Variants in MAGEC1 observed in about 807,000 individuals in gnomAD.
MAGEC1 encodes melanoma-associated antigen C1.
MAGEC1 carries 3 observed loss-of-function variants against 1.5 expected under a neutral mutation model. The observed-to-expected ratio is 1.97, with a 90% confidence interval of 0.90 to 5.10. MAGEC1 has a LOEUF of 5.10. MAGEC1 is among the 30% of genes most tolerant of loss of function. The pLI is 0.02. For missense variants in MAGEC1, 985 were observed against 803.1 expected, an observed-to-expected ratio of 1.23 and a Z score of -2.74; for synonymous variants, 357 against 310.4, an observed-to-expected ratio of 1.15 and a Z score of -1.58.
chrX:141,907,132 T>C lies in MAGEC1; in HGVS notation c.1728T>C (p.Ser576=). 1 of 1,204,485 alleles carries C rather than the reference T, an allele frequency of 8.3e-7. No individual in the cohort carries two copies. The highest frequency in any genetic ancestry group is 1.1e-6 in the Non-Finnish European group (1 of 892,158). Residue 576 remains serine (S), a synonymous_variant, in exon 4 of 4, where the codon TCT becomes TCC. Transcript: ENST00000285879. ...QSPPQGEDSL[S]PHYFPQSPQG... ...CTCCTCAGGGGGAGGACTCCCTGTC[T>C]CCTCACTACTTTCCTCAGAGCCCTC...
In MAGEC1 at chrX:141,905,890, T is replaced by A. The variant is rs200675585; in HGVS notation, c.486T>A (p.Val162=). ...CTTTTGAGGGTTTTCCCCAGTCTGTTCTCCAGATTCCTGTGAGCGCCGCCT... is the reference window on the plus strand; with the variant it reads ...CTTTTGAGGGTTTTCCCCAGTCTGTACTCCAGATTCCTGTGAGCGCCGCCT... ...QSPFEGFPQS[V]LQIPVSAASS... Residue 162 remains valine (V), a synonymous_variant, in exon 4 of 4, where the codon GTT becomes GTA. Coordinates refer to ENST00000285879, the MANE Select transcript of MAGEC1 (RefSeq NM_005462.5). 38 of 1,191,935 alleles carry A rather than the reference T, an allele frequency of 3.2e-5. No homozygotes were observed. The highest frequency in any genetic ancestry group is 2.4e-4 in the Middle Eastern group (1 of 4,255).
Position 141,908,554 on chromosome X carries a change from G to A in MAGEC1, c.3150G>A (p.Gln1050=), listed in dbSNP as rs149869802. 1.4e-5 allele frequency: 17 copies of A among 1,196,663 alleles called. No homozygotes were observed. The highest frequency in any genetic ancestry group is 1.7e-5 in the Non-Finnish European group (15 of 887,658). The change falls in exon 4 of 4, where the codon CAG becomes CAA. Residue 1050 remains glutamine (Q), a synonymous_variant. Coordinates refer to ENST00000285879, the MANE Select transcript of MAGEC1 (RefSeq NM_005462.5). ...AGCTCCTCACTAAAGTTTGGGTGCA[G>A]GAACATTACCTAGAGTACCGGGAGG... The part of the protein sequence containing the change: ...PRELLTKVWV[Q]EHYLEYREVP...
intron 1 of MAGEC1, 38 bp downstream of exon 1, chrX:141,904,016 C>T (rs2018160604): frequency 8.8e-6 from 1 of 113,679 alleles, no homozygotes; most frequent in Admixed American, 9.3e-5. Context: ...ACAACCCCAC[C>T]ACAGAGAGAA....
Position 141,907,918 on chromosome X carries a change from T to C in MAGEC1, c.2514T>C (p.Thr838=), listed in dbSNP as rs1926997837. ...SSPVSSFPSS[T]SSSLSKSSPE... Reference sequence around the variant, plus strand: ...CTGTGAGCTCCTTCCCCTCCTCCACTTCATCGAGTCTTTCCAAGAGTTCCC... The same window carrying C: ...CTGTGAGCTCCTTCCCCTCCTCCACCTCATCGAGTCTTTCCAAGAGTTCCC... The change falls in exon 4 of 4, where the codon ACT becomes ACC. Residue 838 remains threonine (T), a synonymous_variant. Coordinates refer to ENST00000285879, the MANE Select transcript of MAGEC1 (RefSeq NM_005462.5). The C allele has an allele frequency of 8.3e-7, 1 of 1,208,740 alleles. No individual in the cohort carries two copies. The highest frequency in any genetic ancestry group is 2.2e-5 in the Admixed American group (1 of 45,662).
In MAGEC1 at chrX:141,907,233, A is replaced by G. The variant is rs759242025; in HGVS notation, c.1829A>G (p.Tyr610Cys). 9.9e-6 allele frequency: 12 copies of G among 1,209,937 alleles called. No individual in the cohort carries two copies. The highest frequency in any genetic ancestry group is 8.9e-5 in the East Asian group (3 of 33,681). ...PQGEDSMSPL[Y>C]FPQSPLQGEE... ...GGGGAGGACTCCATGTCTCCTCTCT[A>G]CTTTCCTCAGAGTCCTCTTCAGGGG... The change falls in exon 4 of 4, where the codon TAC (tyrosine) becomes TGC (cysteine). Residue 610 changes from tyrosine to cysteine, a missense_variant. Transcript: ENST00000285879.
Position 141,908,495 on chromosome X carries a change from G to T in MAGEC1, c.3091G>T (p.Gly1031Trp), listed in dbSNP as rs779445937. Residue 1031 changes from glycine (G) to tryptophan (W), a missense_variant, in exon 4 of 4, where the codon GGG becomes TGG. Transcript: ENST00000285879. ...DVLSGIGVRA[G>W]REHFAFGEPR... The stretch of plus-strand genomic sequence containing the variant: ...GCTGAGTGGAATAGGGGTGCGTGCT[G>T]GGAGGGAGCACTTTGCCTTTGGGGA... 1.7e-6 allele frequency: 2 copies of T among 1,194,174 alleles called. No individual in the cohort carries two copies. The highest frequency in any genetic ancestry group is 3.7e-5 in the South Asian group (2 of 53,805).
Position 141,906,263 on chromosome X carries a change from TCCC to T in MAGEC1, c.861_863del (p.Pro288del). On this transcript the variant is annotated inframe_deletion, in exon 4 of 4. Coordinates refer to ENST00000285879, the MANE Select transcript of MAGEC1 (RefSeq NM_005462.5). ...CACTTTAGTGAGTCTTTTCCAGAGTTCCCCTGAGAGAACTCAGAGTACTTTTGA... is the reference window on the plus strand; with the variant it reads ...CACTTTAGTGAGTCTTTTCCAGAGTTCTGAGAGAACTCAGAGTACTTTTGA... 8.8e-7 allele frequency: 1 copy of T among 1,141,706 alleles called. No individual in the cohort carries two copies. Among genetic ancestry groups the T allele is most frequent in the Non-Finnish European group, 1.2e-6 (1 of 845,943 alleles). The allele number at this position is 1,141,706 out of a possible 1,213,427, so 94.1% of individuals were successfully genotyped here. A position where few individuals can be genotyped will look rare whatever the true frequency, so the allele number is the denominator to read the frequency against.
At position 141,905,882 on chromosome X, in the gene MAGEC1, C is replaced by G. The variant is rs1045031361; in HGVS notation, c.478C>G (p.Gln160Glu). 2 of 1,198,774 alleles carry G rather than the reference C, an allele frequency of 1.7e-6. No individual in the cohort carries two copies. The highest frequency in any genetic ancestry group is 3.5e-5 in the African/African-American group (2 of 57,170). Residue 160 changes from glutamine (Q) to glutamate (E), a missense_variant, in exon 4 of 4, where the codon CAG (glutamine) becomes GAG (glutamate). Gln to Glu is a conservative substitution (Grantham distance 29). Coordinates refer to ENST00000285879, the MANE Select transcript of MAGEC1 (RefSeq NM_005462.5). ...TCAAAGTCCTTTTGAGGGTTTTCCC[C>G]AGTCTGTTCTCCAGATTCCTGTGAG... ...STQSPFEGFPQSVLQIPVSAA... is the reference protein window; with the variant it reads ...STQSPFEGFPESVLQIPVSAA...
In MAGEC1 at chrX:141,907,064, C is replaced by T. The variant is rs770868900; in HGVS notation, c.1660C>T (p.Gln554Ter). 1.7e-6 allele frequency: 2 copies of T among 1,200,003 alleles called. No homozygotes were observed. Among genetic ancestry groups the T allele is most frequent in the South Asian group, 3.5e-5 (2 of 56,374 alleles). ...SPHYFPQSPP[Q>*]GEDSLSPHYF... is the part of the protein sequence containing the mutation. Reference sequence around the variant, plus strand: ...TCACTACTTTCCTCAGAGCCCTCCTCAGGGGGAGGACTCCCTATCTCCTCA... The same window carrying T: ...TCACTACTTTCCTCAGAGCCCTCCTTAGGGGGAGGACTCCCTATCTCCTCA... Residue 554 changes from glutamine (Q) to a stop codon, truncating the protein, a stop_gained, in exon 4 of 4, where the codon CAG becomes TAG. Transcript: ENST00000285879. LOFTEE classifies it low-confidence loss of function (END_TRUNC).
chrX:141,908,564 C>G lies in MAGEC1; in HGVS notation c.3160C>G (p.Leu1054Val), dbSNP rs769272586. The G allele has an allele frequency of 5.0e-6, 6 of 1,197,614 alleles. No homozygotes were observed. In the African/African-American group the frequency reaches 5.3e-5, roughly 11 times the overall value. Residue 1054 changes from leucine (L) to valine (V), a missense_variant, in exon 4 of 4, where the codon CTA becomes GTA. Transcript: ENST00000285879. ...TAAAGTTTGGGTGCAGGAACATTAC[C>G]TAGAGTACCGGGAGGTGCCCAACTC... ...LTKVWVQEHY[L>V]EYREVPNSSP...
chrX:141,908,243 C>G lies in MAGEC1; in HGVS notation c.2839C>G (p.Pro947Ala), dbSNP rs763285093. Residue 947 changes from proline (P) to alanine (A), a missense_variant, in exon 4 of 4, where the codon CCT (proline) becomes GCT (alanine). Coordinates refer to ENST00000285879, the MANE Select transcript of MAGEC1 (RefSeq NM_005462.5). ...CATCAGCAGGTACACGGGCTACTTTCCTGTGATCTTCAGGAAAGCCCGTGA... is the reference window on the plus strand; with the variant it reads ...CATCAGCAGGTACACGGGCTACTTTGCTGTGATCTTCAGGAAAGCCCGTGA... ...NVISRYTGYFPVIFRKAREFI... is the reference protein window; with the variant it reads ...NVISRYTGYFAVIFRKAREFI... 1 of 1,209,566 alleles carries G rather than the reference C, an allele frequency of 8.3e-7. No individual in the cohort carries two copies. The highest frequency in any genetic ancestry group is 1.8e-5 in the African/African-American group (1 of 57,012).
At chrX:141,905,385 C>G in intron 3 of MAGEC1, 24 bp from the exon 4 acceptor site, 17 of 1,182,493 alleles carry the variant, frequency 1.4e-5, no homozygotes, top group Non-Finnish European at 1.8e-5. Flanking sequence ...TCCTCATCCT[C>G]CTCTCTGCTT....
rs370841892 is a variant in MAGEC1 at position 141,908,143 on chromosome X, C to T, written c.2739C>T (p.Asp913=). Residue 913 remains aspartate, a synonymous_variant, in exon 4 of 4, where the codon GAC becomes GAT. Coordinates refer to ENST00000285879, the MANE Select transcript of MAGEC1 (RefSeq NM_005462.5). ...LFTYTLDEKV[D]ELARFLLLKY... is the part of the protein sequence containing the mutation. ...CTTATACACTGGATGAAAAGGTGGA[C>T]GAGTTGGCGCGGTTTCTTCTCCTCA... 17 of 1,210,042 alleles carry T rather than the reference C, an allele frequency of 1.4e-5. No individual in the cohort carries two copies. The South Asian group carries it at 1.4e-4, about 10-fold the overall frequency.
In MAGEC1 at chrX:141,904,734, A is replaced by G. The variant is rs1440266640; in HGVS notation, c.-184A>G. ...TCTTGCAGGTGCTCCAGAAAGCAGG[A>G]GTTGAAGACCTGGGTGTGAGGGACA... is the stretch of plus-strand genomic sequence containing the variant. On this transcript the variant is annotated 5_prime_UTR_variant, in exon 2 of 4. Coordinates refer to ENST00000285879, the MANE Select transcript of MAGEC1 (RefSeq NM_005462.5). 1.1e-5 allele frequency: 3 copies of G among 265,910 alleles called. No individual in the cohort carries two copies. Among genetic ancestry groups the G allele is most frequent in the Non-Finnish European group, 2.0e-5 (3 of 148,773 alleles). 21.9% of individuals were successfully genotyped at this position (265,910 alleles called of 1,213,427 possible). A position where few individuals can be genotyped will look rare whatever the true frequency, so the allele number is the denominator to read the frequency against.
rs1927045345 is a variant in MAGEC1, at chrX:141,908,888, T to A, written c.*55T>A. 9.6e-7 allele frequency: 1 copy of A among 1,044,390 alleles called. No homozygotes were observed. The highest frequency in any genetic ancestry group is 2.8e-5 in the Admixed American group (1 of 35,542). The allele number at this position is 1,044,390 out of a possible 1,213,427, so 86.1% of individuals were successfully genotyped here. A position where few individuals can be genotyped will look rare whatever the true frequency, so the allele number is the denominator to read the frequency against. ...TGAAGGGGGCAGTCGAGTTTCTACG[T>A]GGTGGAGGGCCTGGTTGAGGCTGGA... On this transcript the variant is annotated 3_prime_UTR_variant, in exon 4 of 4. Coordinates refer to ENST00000285879, the MANE Select transcript of MAGEC1 (RefSeq NM_005462.5).
In MAGEC1 at chrX:141,907,560, ACTCC is replaced by A; in HGVS notation, c.2160_2163del (p.Ser722LeufsTer22). On this transcript the variant is annotated frameshift_variant, in exon 4 of 4. Transcript: ENST00000285879. LOFTEE classifies it low-confidence loss of function (END_TRUNC). ...CCTCAGAGTCCTCCTGAGTGGGAGG[ACTCC>A]CTCTCTCCTCTCCACTTTCCTCAGT... 1.7e-6 allele frequency: 2 copies of A among 1,174,892 alleles called. No homozygotes were observed. Among genetic ancestry groups the A allele is most frequent in the Non-Finnish European group, 2.3e-6 (2 of 876,842 alleles).
In MAGEC1 at chrX:141,907,179, C is replaced by T. The variant is rs769866187; in HGVS notation, c.1775C>T (p.Pro592Leu). 9.1e-6 allele frequency: 11 copies of T among 1,208,108 alleles called. No homozygotes were observed. In the African/African-American group the frequency reaches 1.8e-4, roughly 19 times the overall value. The change falls in exon 4 of 4, where the codon CCT (proline) becomes CTT (leucine). Residue 592 changes from proline to leucine, a missense_variant. By Grantham distance (98) the Pro-to-Leu change is moderately conservative. Coordinates refer to ENST00000285879, the MANE Select transcript of MAGEC1 (RefSeq NM_005462.5). ...QSPQGEDSLSPHYFPQSPPQG... is the reference protein window; with the variant it reads ...QSPQGEDSLSLHYFPQSPPQG... ...CCTCAGGGGGAGGACTCCCTGTCTC[C>T]TCACTACTTTCCTCAGAGCCCTCCT... is the stretch of plus-strand genomic sequence containing the variant.
chrX:141,907,985 TCCA>T lies in MAGEC1; in HGVS notation c.2583_2585del (p.Thr862del). 1 of 1,211,807 alleles carries T rather than the reference TCCA, an allele frequency of 8.3e-7. No individual in the cohort carries two copies. Among genetic ancestry groups the T allele is most frequent in the Non-Finnish European group, 1.1e-6 (1 of 895,493 alleles). ...GAGTCCTGTGATCTCCTTCTCCTCCTCCACTTCATTGAGCCCATTCAGTGAAGA... is the reference window on the plus strand; with the variant it reads ...GAGTCCTGTGATCTCCTTCTCCTCCTCTTCATTGAGCCCATTCAGTGAAGA... On this transcript the variant is annotated inframe_deletion, in exon 4 of 4. Coordinates refer to ENST00000285879, the MANE Select transcript of MAGEC1 (RefSeq NM_005462.5).
chrX:141,908,060 C>T lies in MAGEC1; in HGVS notation c.2656C>T (p.Leu886=). ...DEYTSSSDTL[L]ESDSLTDSES... is the part of the protein sequence containing the mutation. ...ATATACAAGTTCCTCAGACACCTTG[C>T]TAGAGAGTGATTCCTTGACAGACAG... is the stretch of plus-strand genomic sequence containing the variant. The change falls in exon 4 of 4, where the codon CTA becomes TTA. Residue 886 remains leucine, a synonymous_variant. Coordinates refer to ENST00000285879, the MANE Select transcript of MAGEC1 (RefSeq NM_005462.5). The T allele has an allele frequency of 1.7e-6, 2 of 1,211,949 alleles. No homozygotes were observed. The highest frequency in any genetic ancestry group is 2.2e-6 in the Non-Finnish European group (2 of 895,497).
Sources: allele counts gnomAD v4.1 joint callset, GRCh38; gene constraint gnomAD v4.1.1; transcripts MANE v1.5; gene names NCBI Gene and HGNC (gene_info 2026-07-23, HGNC 2026-07-21).